TRIM67: variants seen among roughly 807,000 people sequenced by gnomAD.
The protein encoded by TRIM67 is tripartite motif-containing protein 67.
Under a neutral mutation model 71.0 loss-of-function variants are expected in TRIM67, and 39 were observed. The observed-to-expected ratio is 0.55, with a 90% confidence interval of 0.43 to 0.72. The LOEUF is 0.72. Ranked by LOEUF, TRIM67 falls within the 30% of genes least tolerant of loss-of-function variation. The pLI is 0.00. For synonymous variants in TRIM67, 481 were observed against 473.9 expected, an observed-to-expected ratio of 1.01 and a Z score of -0.19; for missense variants, 973 against 1,079.2, an observed-to-expected ratio of 0.90 and a Z score of 1.38.
At position 231,172,112 on chromosome 1, in the gene TRIM67, A is replaced by G. The variant is rs1682633096; in HGVS notation, c.1044+8099A>G. Among the ~76,000 whole-genome samples, 5 of 152,124 alleles carry G rather than the reference A, an allele frequency of 3.3e-5. No individual in the cohort carries two copies. The South Asian group carries it at 1.0e-3, about 32-fold the overall frequency. Reference sequence around the variant, plus strand: ...TAAAAACAAACAAACCAACAAACCAACAAAAACGGCCCCCTTTATTGCTCC... The same window carrying G: ...TAAAAACAAACAAACCAACAAACCAGCAAAAACGGCCCCCTTTATTGCTCC... On this transcript the variant is annotated intron_variant, in intron 1 of 9. Coordinates refer to ENST00000366653, the MANE Select transcript of TRIM67 (RefSeq NM_001004342.5).
rs576454753 is a variant in TRIM67 at position 231,184,998 on chromosome 1, G to C, written c.1045-12373G>C. 5 of 1,531,326 alleles carry C rather than the reference G, an allele frequency of 3.3e-6. No individual in the cohort carries two copies. The Admixed American group carries it at 7.9e-5, about 24-fold the overall frequency. 94.9% of individuals were successfully genotyped at this position (1,531,326 alleles called of 1,614,324 possible). ...CAGCAGTGCTCCTGAATGGGTGGCCGGCAGGTTGGGGAGGGTCAGCTTATT... is the reference window on the plus strand; with the variant it reads ...CAGCAGTGCTCCTGAATGGGTGGCCCGCAGGTTGGGGAGGGTCAGCTTATT... On this transcript the variant is annotated intron_variant, in intron 1 of 9. Coordinates refer to ENST00000366653, the MANE Select transcript of TRIM67 (RefSeq NM_001004342.5).
Position 231,176,906 on chromosome 1 carries a change from C to CAAAAAAAAAAAAAAAAAAAAA in TRIM67, c.1044+12910_1044+12911insAAAAAAAAAAAAAAAAAAAAA, listed in dbSNP as rs56115614. Among the ~76,000 whole-genome samples, 89 of 74,334 alleles carry CAAAAAAAAAAAAAAAAAAAAA rather than the reference C, an allele frequency of 1.2e-3. 6 individuals carry two copies. Among genetic ancestry groups the CAAAAAAAAAAAAAAAAAAAAA allele is most frequent in the Non-Finnish European group, 1.8e-3 (72 of 40,538 alleles). 48.8% of individuals were successfully genotyped at this position (74,334 alleles called of 152,430 possible). On this transcript the variant is annotated intron_variant, in intron 1 of 9. Transcript: ENST00000366653. The stretch of plus-strand genomic sequence containing the variant: ...TACCCTGTTTGCCAATACAATCTGG[C>CAAAAAAAAAAAAAAAAAAAAA]AAAAAAAAAAAAAAAAACACCTTTC...
intron 1 of TRIM67, among the ~76,000 whole-genome samples, chr1:231,175,611 C>T (rs952909211): frequency 2.0e-5 from 3 of 152,316 alleles, no homozygotes; most frequent in Admixed American, 6.5e-5. Flanking sequence ...TTGAGCTTAG[C>T]GAACCCCAAT....
intron 7 of TRIM67, among the ~76,000 whole-genome samples, chr1:231,207,058 C>T (rs1007069513): frequency 6.6e-6 from 1 of 152,242 alleles, no homozygotes; most frequent in East Asian, 1.9e-4. Context: ...AGTGCAGGGC[C>T]GGAGGGGCCG....
Position 231,218,100 on chromosome 1 carries a change from G to A in TRIM67, c.*2660G>A. On this transcript the variant is annotated 3_prime_UTR_variant, in exon 10 of 10. Coordinates refer to ENST00000366653, the MANE Select transcript of TRIM67 (RefSeq NM_001004342.5). ...GTTCTGACTTCAAAGAGAACGACAG[G>A]TCCGTGCCACACACTTGTGTTTTTG... 2 of 1,093,166 alleles carry A rather than the reference G, an allele frequency of 1.8e-6. No homozygotes were observed. The highest frequency in any genetic ancestry group is 2.3e-6 in the Non-Finnish European group (2 of 887,834). 67.7% of individuals were successfully genotyped at this position (1,093,166 alleles called of 1,614,324 possible). A position where few individuals can be genotyped will look rare whatever the true frequency, so the allele number is the denominator to read the frequency against.
chr1:231,177,471 G>A (rs577824926), intron 1 of TRIM67, among the ~76,000 whole-genome samples: 1 of 152,328 alleles, frequency 6.6e-6, no homozygotes, highest in Non-Finnish European at 1.5e-5. Flanking sequence ...GTCTGGTCCT[G>A]GGGCTTCATG....
intron 1 of TRIM67, chr1:231,186,186 C>G (rs1428212323): frequency 6.5e-7 from 1 of 1,528,638 alleles, no homozygotes; most frequent in Non-Finnish European, 8.7e-7. Flanking sequence ...GCATGAATCA[C>G]AGCAGTGGAA....
intron 5 of TRIM67, 27 bp from the exon 6 acceptor site, chr1:231,203,840 G>T (rs373480588): frequency 5.6e-6 from 9 of 1,605,502 alleles, no homozygotes; most frequent in South Asian, 4.4e-5. Flanking sequence ...GGCTTCCTGC[G>T]CTAACTCATG....
intron 2 of TRIM67, 57 bp downstream of exon 2, chr1:231,197,523 G>A: frequency 6.5e-7 from 1 of 1,538,952 alleles, no homozygotes; most frequent in Non-Finnish European, 9.0e-7. Context: ...TGCACGTTGT[G>A]CATCGTATTA....
intron 1 of TRIM67, among the ~76,000 whole-genome samples, chr1:231,196,252 T>C (rs1402877906): frequency 6.6e-6 from 1 of 152,212 alleles, no homozygotes; most frequent in Non-Finnish European, 1.5e-5. Context: ...CTGGCCCTTC[T>C]GACTCTGCTT....
intron 5 of TRIM67, 60 bp downstream of exon 5, chr1:231,201,577 A>G (rs1029784697): frequency 6.4e-6 from 10 of 1,567,968 alleles, no homozygotes; most frequent in Middle Eastern, 3.8e-4. Flanking sequence ...ATGCAGTCTG[A>G]GGGGCCAGCT....
At chr1:231,202,248 TGGAGAAGGAGGAGGTGGTGGC>T (rs1327482050) in intron 5 of TRIM67, among the ~76,000 whole-genome samples, 27 of 1,214 alleles carry the variant, frequency 0.022, 1 homozygote, top group South Asian at 0.17. Flanking sequence ...GGGGGGGTAG[TGGAGAAGGAGGAGGTGGTGGC>T]GGAGGAGGAG....
At chr1:231,195,341 A>G (rs60829247) in intron 1 of TRIM67, among the ~76,000 whole-genome samples, 7,273 of 152,354 alleles carry the variant, frequency 0.048, 247 homozygotes, top group Middle Eastern at 0.13. Flanking sequence ...TCAAGTGCTC[A>G]GTACCCACAG....
chr1:231,205,272 T>C (rs1683664141), intron 6 of TRIM67, among the ~76,000 whole-genome samples: 1 of 152,222 alleles, frequency 6.6e-6, no homozygotes, highest in Non-Finnish European at 1.5e-5. Context: ...GACCTGGATT[T>C]GAGCTGTGGC....
At chr1:231,185,981 G>A in intron 1 of TRIM67, 1 of 973,388 alleles carries the variant, frequency 1.0e-6, no homozygotes, top group Non-Finnish European at 1.6e-6. Flanking sequence ...AACTAGAGGA[G>A]ACGAGAAGGA....
Position 231,209,040 on chromosome 1 carries a change from G to T in TRIM67, c.1913G>T (p.Arg638Leu), listed in dbSNP as rs760307535. Reference sequence around the variant, plus strand: ...GCCACCTGCAGCAGCTATGACGACCGGGTGGTGCTGGGCACAGCTGCGTTC... The same window carrying T: ...GCCACCTGCAGCAGCTATGACGACCTGGTGGTGCTGGGCACAGCTGCGTTC... ...QTATCSSYDD[R>L]VVLGTAAFSK... The change falls in exon 8 of 10, where the codon CGG (arginine) becomes CTG (leucine). Residue 638 changes from arginine to leucine, a missense_variant. Arg to Leu is a moderately radical substitution (Grantham distance 102). This residue lies in a region of TRIM67 where 178 missense variants were observed against 247.9 expected (regional missense o/e 0.72). Coordinates refer to ENST00000366653, the MANE Select transcript of TRIM67 (RefSeq NM_001004342.5). The surrounding 1 kb of genome is among the most constrained non-coding windows in gnomAD (Gnocchi z 4.1). The T allele has an allele frequency of 1.2e-6, 2 of 1,613,600 alleles. No homozygotes were observed. The highest frequency in any genetic ancestry group is 1.7e-6 in the Non-Finnish European group (2 of 1,179,604).
Position 231,209,000 on chromosome 1 carries a change from A to C in TRIM67, c.1873A>C (p.Asn625His). ...NSGHRDIILS[N>H]DNQTATCSSY... is the part of the protein sequence containing the mutation. ...TGGGCATCGGGACATCATTTTATCC[A>C]ATGACAACCAGACAGCCACCTGCAG... The change falls in exon 8 of 10, where the codon AAT (asparagine) becomes CAT (histidine). Residue 625 changes from asparagine to histidine, a missense_variant. By Grantham distance (68) the Asn-to-His change is moderately conservative. Transcript: ENST00000366653. The C allele has an allele frequency of 6.2e-7, 1 of 1,610,728 alleles. No homozygotes were observed. Among genetic ancestry groups the C allele is most frequent in the South Asian group, 1.1e-5 (1 of 90,848 alleles).
rs944275483 is a variant in TRIM67, at chr1:231,215,565, G to A, written c.*125G>A. 13 of 1,436,772 alleles carry A rather than the reference G, an allele frequency of 9.0e-6. 1 individual carries two copies. Among genetic ancestry groups the A allele is most frequent in the South Asian group, 4.4e-5 (3 of 67,862 alleles). 89.0% of individuals were successfully genotyped at this position (1,436,772 alleles called of 1,614,324 possible). A position where few individuals can be genotyped will look rare whatever the true frequency, so the allele number is the denominator to read the frequency against. On this transcript the variant is annotated 3_prime_UTR_variant, in exon 10 of 10. Coordinates refer to ENST00000366653, the MANE Select transcript of TRIM67 (RefSeq NM_001004342.5). ...CAAATCATGGGTGCAACCTGGCAGC[G>A]TGGAGTGTCATAGAAACACATTTTC...
intron 1 of TRIM67, among the ~76,000 whole-genome samples, chr1:231,179,068 C>T (rs1471153249): frequency 6.6e-6 from 1 of 152,216 alleles, no homozygotes; most frequent in African/African-American, 2.4e-5. Flanking sequence ...GCTTCCATCA[C>T]AAATTACCAC....
Sources: allele counts gnomAD v4.1 joint callset (sites outside exome capture counted in the v4.1 genomes callset), GRCh38; gene constraint gnomAD v4.1.1; regional missense constraint gnomAD v4.1.1; non-coding constraint Gnocchi (gnomAD v3.1); transcripts MANE v1.5; gene names NCBI Gene and HGNC (gene_info 2026-07-23, HGNC 2026-07-21).